TTLL11: variants seen among roughly 807,000 people sequenced by gnomAD.
TTLL11 encodes the protein tubulin tyrosine ligase like 11.
Under a neutral mutation model 51.7 loss-of-function variants are expected in TTLL11, and 42 were observed. The ratio of observed to expected loss-of-function variants is 0.81; its 90% CI spans 0.64 to 1.05. The LOEUF (loss-of-function observed/expected upper bound fraction) is 1.05. Ranked by LOEUF, TTLL11 falls within the 50% of genes least tolerant of loss-of-function variation. The probability of loss-of-function intolerance (pLI) is 0.00; values close to 1 mark genes in which losing one functional copy is unlikely to be tolerated. For synonymous variants in TTLL11, 381 were observed against 383.5 expected, an observed-to-expected ratio of 0.99 and a Z score of 0.08; for missense variants, 799 against 940.4, an observed-to-expected ratio of 0.85 and a Z score of 1.97.
chr9:122,092,905 G>A lies in TTLL11; in HGVS notation c.244C>T (p.Gln82Ter). Reference protein sequence around the residue: ...AAEEGNTQVLQRPPPTLPPSK... With the variant: ...AAEEGNTQVL ...GGGGGCAGCGTGGGCGGCGGCCGCTGAAGGACCTGGGTGTTCCCCTCCTCA... is the reference window on the plus strand; with the variant it reads ...GGGGGCAGCGTGGGCGGCGGCCGCTAAAGGACCTGGGTGTTCCCCTCCTCA... Residue 82 changes from glutamine (Q) to a stop codon, truncating the protein, a stop_gained, in exon 1 of 9, where the codon CAG becomes TAG. Transcript: ENST00000321582. LOFTEE classifies it high-confidence loss of function. The A allele has an allele frequency of 1.3e-6, 2 of 1,573,850 alleles. No individual in the cohort carries two copies. The highest frequency in any genetic ancestry group is 1.7e-6 in the Non-Finnish European group (2 of 1,167,912).
chr9:122,010,082 C>T (rs1035184080), intron 3 of TTLL11, among the ~76,000 whole-genome samples: 1 of 152,074 alleles, frequency 6.6e-6, no homozygotes, highest in Non-Finnish European at 1.5e-5. Context: ...TTTTTCTTAA[C>T]ATTATTTCAT....
At chr9:121,898,871 C>T (rs1839644984) in intron 6 of TTLL11, among the ~76,000 whole-genome samples, 1 of 152,208 alleles carries the variant, frequency 6.6e-6, no homozygotes, top group African/African-American at 2.4e-5. Flanking sequence ...GCATGTCTGG[C>T]CAGCTGCTGG....
At chr9:121,903,630 T>A (rs1839840089) in intron 6 of TTLL11, among the ~76,000 whole-genome samples, 1 of 152,240 alleles carries the variant, frequency 6.6e-6, no homozygotes, top group South Asian at 2.1e-4. Flanking sequence ...AATATATACA[T>A]GTAACGTATG....
intron 7 of TTLL11, among the ~76,000 whole-genome samples, chr9:121,863,679 A>G (rs950831430): frequency 1.3e-5 from 2 of 152,212 alleles, no homozygotes; most frequent in African/African-American, 4.8e-5. Context: ...CCTTAAAAGA[A>G]TCTTGATTCT....
chr9:121,887,962 G>A (rs550836743), intron 6 of TTLL11, among the ~76,000 whole-genome samples: 8 of 152,144 alleles, frequency 5.3e-5, no homozygotes, highest in East Asian at 1.9e-4. Context: ...TCCTGGCCCC[G>A]GGAGCCCAGT....
intron 1 of TTLL11, among the ~76,000 whole-genome samples, chr9:122,040,192 C>G (rs560648376): frequency 8.5e-5 from 13 of 152,180 alleles, no homozygotes; most frequent in Admixed American, 6.5e-4. Context: ...AAGAAAGGAG[C>G]AGGTGTGGGA....
intron 8 of TTLL11, among the ~76,000 whole-genome samples, chr9:121,838,351 C>T (rs1837240201): frequency 6.6e-6 from 1 of 152,164 alleles, no homozygotes; most frequent in Admixed American, 6.5e-5. Flanking sequence ...CTTGAAGCCC[C>T]CACAGCCTCC....
At chr9:121,843,956 T>A (rs2131359595) in intron 8 of TTLL11, among the ~76,000 whole-genome samples, 1 of 152,330 alleles carries the variant, frequency 6.6e-6, no homozygotes. Context: ...TTACTTGGTG[T>A]AAGCCATCAC....
chr9:121,915,309 T>C (rs897171572), intron 6 of TTLL11, among the ~76,000 whole-genome samples: 3 of 152,200 alleles, frequency 2.0e-5, no homozygotes, highest in Non-Finnish European at 2.9e-5. Context: ...AAATAGCAGA[T>C]ATTGGGCTAT....
At chr9:121,858,376 T>C (rs1300279430) in intron 8 of TTLL11, among the ~76,000 whole-genome samples, 3 of 152,200 alleles carry the variant, frequency 2.0e-5, no homozygotes, top group Non-Finnish European at 4.4e-5. Context: ...CATGCCTCTC[T>C]AGGCCTCAGT....
chr9:122,048,070 C>T (rs1445233839), intron 1 of TTLL11, among the ~76,000 whole-genome samples: 1 of 152,206 alleles, frequency 6.6e-6, no homozygotes, highest in East Asian at 1.9e-4. Context: ...CCTCATCTCT[C>T]ACCAGCCTCC....
chr9:122,053,113 A>G (rs1487553612), intron 1 of TTLL11, among the ~76,000 whole-genome samples: 2 of 152,222 alleles, frequency 1.3e-5, no homozygotes, highest in Non-Finnish European at 2.9e-5. Flanking sequence ...CTGGCCGTCC[A>G]CAAACCCACC....
At chr9:122,023,709 T>G (rs1174908146) in intron 3 of TTLL11, among the ~76,000 whole-genome samples, 1 of 150,402 alleles carries the variant, frequency 6.6e-6, no homozygotes, top group Non-Finnish European at 1.5e-5. Flanking sequence ...ATCATCTCAG[T>G]AGACACAGGG....
chr9:121,985,504 T>C (rs1842919082), intron 4 of TTLL11, among the ~76,000 whole-genome samples: 1 of 143,396 alleles, frequency 7.0e-6, no homozygotes, highest in South Asian at 2.2e-4. Context: ...AAGGATACCA[T>C]TTTCTTTTCT....
intron 6 of TTLL11, among the ~76,000 whole-genome samples, chr9:121,958,505 T>C (rs573581097): frequency 6.6e-5 from 10 of 152,292 alleles, no homozygotes; most frequent in Admixed American, 5.2e-4. Flanking sequence ...GGACTTCCAG[T>C]ACCCACTCCT....
At chr9:121,878,769 C>T (rs930314520) in intron 6 of TTLL11, among the ~76,000 whole-genome samples, 2 of 152,228 alleles carry the variant, frequency 1.3e-5, no homozygotes, top group African/African-American at 4.8e-5. Flanking sequence ...GCCCTGCCGG[C>T]CCTGAGCATG....
chr9:121,974,132 G>T lies in TTLL11; in HGVS notation c.1366-8C>A. On this transcript the variant is annotated splice_polypyrimidine_tract_variant and splice_region_variant and intron_variant, in intron 5 of 8. Coordinates refer to ENST00000321582, the MANE Select transcript of TTLL11 (RefSeq NM_001139442.2). ...AAACACCCCTGGAGAAAGCTTGAACGGGTAAGGATTCTGTGTCACAGTGGA... is the reference window on the plus strand; with the variant it reads ...AAACACCCCTGGAGAAAGCTTGAACTGGTAAGGATTCTGTGTCACAGTGGA... 1 of 1,546,692 alleles carries T rather than the reference G, an allele frequency of 6.5e-7. No individual in the cohort carries two copies. The highest frequency in any genetic ancestry group is 8.7e-7 in the Non-Finnish European group (1 of 1,143,118).
chr9:122,009,357 T>G (rs577367796), intron 3 of TTLL11, among the ~76,000 whole-genome samples: 5 of 152,164 alleles, frequency 3.3e-5, no homozygotes, highest in Admixed American at 3.3e-4. Context: ...AATGATAATT[T>G]TATTAAGTAA....
At chr9:121,949,044 T>C (rs1841770033) in intron 6 of TTLL11, among the ~76,000 whole-genome samples, 1 of 152,094 alleles carries the variant, frequency 6.6e-6, no homozygotes, top group East Asian at 1.9e-4. Flanking sequence ...TCTCACACAA[T>C]GTTTGTGTCA....
Sources: allele counts gnomAD v4.1 joint callset (sites outside exome capture counted in the v4.1 genomes callset), GRCh38; gene constraint gnomAD v4.1.1; transcripts MANE v1.5; gene names NCBI Gene and HGNC (gene_info 2026-07-23, HGNC 2026-07-21).